Variants in BLTP1 observed in about 807,000 individuals in gnomAD.
BLTP1 encodes bridge-like lipid transfer protein family member 1.
the BLTP1 span, among the ~76,000 whole-genome samples, chr4:122,244,254 A>C: frequency 6.6e-6 from 1 of 152,134 alleles, no homozygotes; most frequent in Non-Finnish European, 1.5e-5. Flanking sequence ...CAGCCTAAAT[A>C]ATTGGAGTTG....
At chr4:122,276,392 T>C in the BLTP1 span, 1 of 916,918 alleles carries the variant, frequency 1.1e-6, no homozygotes, top group Non-Finnish European at 1.3e-6. Flanking sequence ...ATTGTAGAAA[T>C]AATTATTAAA....
the BLTP1 span, chr4:122,196,629 A>G: frequency 1.2e-6 from 2 of 1,600,396 alleles, no homozygotes; most frequent in Non-Finnish European, 1.7e-6. Context: ...TACCTCCTTA[A>G]TGTAGAGATT....
At chr4:122,275,761 G>A in the BLTP1 span, among the ~76,000 whole-genome samples, 38 of 151,994 alleles carry the variant, frequency 2.5e-4, no homozygotes, top group African/African-American at 7.2e-4. Flanking sequence ...TGCCAAACTC[G>A]TAGTGTATTC....
At chr4:122,155,038 A>G in the BLTP1 span, 1 of 583,748 alleles carries the variant, frequency 1.7e-6, no homozygotes, top group African/African-American at 2.0e-5. Context: ...TTTCATAACT[A>G]GCTATTGAGT....
At chr4:122,236,730 A>G in the BLTP1 span, 1 of 928,580 alleles carries the variant, frequency 1.1e-6, no homozygotes, top group Non-Finnish European at 1.3e-6. Flanking sequence ...AAATGAGGAA[A>G]ATAGTAAATT....
At chr4:122,273,490 A>T in the BLTP1 span, 2 of 935,754 alleles carry the variant, frequency 2.1e-6, no homozygotes, top group African/African-American at 1.8e-5. Context: ...TTGATATTTA[A>T]AAAAAAAAAA....
At chr4:122,209,783 A>T in the BLTP1 span, 1 of 1,606,044 alleles carries the variant, frequency 6.2e-7, no homozygotes, top group Non-Finnish European at 8.5e-7. Context: ...AGGAATGAGT[A>T]TCTGACTAGA....
the BLTP1 span, chr4:122,227,133 T>C: frequency 4.6e-6 from 4 of 861,252 alleles, no homozygotes; most frequent in Non-Finnish European, 5.7e-6. Context: ...GGGATATGGC[T>C]ATATATTTAT....
the BLTP1 span, among the ~76,000 whole-genome samples, chr4:122,154,576 A>G: frequency 2.0e-5 from 3 of 152,116 alleles, no homozygotes; most frequent in Non-Finnish European, 4.4e-5. Context: ...GTGTTTTAAG[A>G]AGAAATTGAG....
chr4:122,348,584 T>A, the BLTP1 span: 20 of 1,598,742 alleles, frequency 1.3e-5, no homozygotes, highest in East Asian at 4.3e-4. Context: ...TTCAAAAACA[T>A]CAACTCCTTT....
the BLTP1 span, chr4:122,220,524 T>C: frequency 6.9e-7 from 1 of 1,458,860 alleles, no homozygotes; most frequent in African/African-American, 1.4e-5. Flanking sequence ...TTAATATTTA[T>C]TGGGTTAAAA....
the BLTP1 span, chr4:122,164,545 T>G: frequency 5.6e-6 from 2 of 356,746 alleles, no homozygotes; most frequent in Non-Finnish European, 7.8e-6. Flanking sequence ...CTTATCCTAT[T>G]GCTGCTGGTA....
At chr4:122,253,973 C>T in the BLTP1 span, among the ~76,000 whole-genome samples, 2 of 152,116 alleles carry the variant, frequency 1.3e-5, no homozygotes, top group Admixed American at 6.6e-5. Flanking sequence ...GGAATCTTTA[C>T]AGGCCAGGAG....
At chr4:122,224,037 G>A in the BLTP1 span, 1 of 977,530 alleles carries the variant, frequency 1.0e-6, no homozygotes, top group South Asian at 4.7e-5. Flanking sequence ...TATTTACATA[G>A]TCCTCAGAAT....
the BLTP1 span, among the ~76,000 whole-genome samples, chr4:122,234,514 G>T: frequency 6.7e-6 from 1 of 150,340 alleles, no homozygotes; most frequent in African/African-American, 2.5e-5. Flanking sequence ...TAATGCTTTG[G>T]GCTTTTTAAT....
the BLTP1 span, chr4:122,249,095 A>AT: frequency 1.5e-5 from 13 of 889,222 alleles, no homozygotes; most frequent in Non-Finnish European, 2.7e-6. Flanking sequence ...AGTAAAAGCT[A>AT]TAATTTGCCT....
the BLTP1 span, among the ~76,000 whole-genome samples, chr4:122,315,848 A>G: frequency 6.6e-6 from 1 of 152,132 alleles, no homozygotes; most frequent in African/African-American, 2.4e-5. Context: ...CTGTCTTTTA[A>G]TCGAGTTCTG....
At chr4:122,239,920 A>G in the BLTP1 span, 1 of 1,614,036 alleles carries the variant, frequency 6.2e-7, no homozygotes, top group Non-Finnish European at 8.5e-7. Context: ...CCTGGAACTT[A>G]TCCGGGTAGA....
the BLTP1 span, among the ~76,000 whole-genome samples, chr4:122,316,065 T>C: frequency 1.3e-5 from 2 of 152,146 alleles, no homozygotes; most frequent in Non-Finnish European, 1.5e-5. Context: ...GGGTGAGTTT[T>C]ATGGTACGTG....
Sources: allele counts gnomAD v4.1 joint callset (sites outside exome capture counted in the v4.1 genomes callset), GRCh38; gene constraint gnomAD v4.1.1; transcripts MANE v1.5; gene names NCBI Gene and HGNC (gene_info 2026-07-23, HGNC 2026-07-21).